The following HDLBP variants were observed in gnomAD, a reference collection of about 807,000 sequenced individuals.
HDLBP encodes vigilin.
In HDLBP, 30 loss-of-function variants were observed where a neutral mutation model predicts 137.3. The ratio of observed to expected loss-of-function variants is 0.22; its 90% CI spans 0.16 to 0.30. The LOEUF (loss-of-function observed/expected upper bound fraction) is 0.30, where lower values mean the gene tolerates loss of function less well. Ranked by LOEUF, HDLBP falls within the 10% of genes least tolerant of loss-of-function variation. The pLI is 1.00. For missense variants in HDLBP, 1,119 were observed against 1,667.3 expected, an observed-to-expected ratio of 0.67 and a Z score of 5.73; for synonymous variants, 606 against 596.0, an observed-to-expected ratio of 1.02 and a Z score of -0.24.
chr2:241,307,164 C>A (rs992663989), intron 1 of HDLBP, among the ~76,000 whole-genome samples: 1 of 152,148 alleles, frequency 6.6e-6, no homozygotes, highest in African/African-American at 2.4e-5. Flanking sequence ...CAATATCCTG[C>A]CTTCTGTACC....
chr2:241,313,558 C>T (rs2075826970), intron 1 of HDLBP, among the ~76,000 whole-genome samples: 1 of 152,194 alleles, frequency 6.6e-6, no homozygotes, highest in South Asian at 2.1e-4. Flanking sequence ...GGATTACAAG[C>T]GTGAGCCACT....
At chr2:241,260,452 T>C (rs1246257613) in intron 5 of HDLBP, among the ~76,000 whole-genome samples, 2 of 152,194 alleles carry the variant, frequency 1.3e-5, no homozygotes, top group East Asian at 3.8e-4. Context: ...AGAGAGTCAC[T>C]GATCAACACT....
At chr2:241,241,148 T>G (rs879773831) in intron 17 of HDLBP, among the ~76,000 whole-genome samples, 3 of 152,074 alleles carry the variant, frequency 2.0e-5, no homozygotes, top group Non-Finnish European at 4.4e-5. Context: ...CAAGGCTGGT[T>G]AAACACAAAG....
At chr2:241,304,634 C>T (rs902716318) in intron 1 of HDLBP, among the ~76,000 whole-genome samples, 4 of 152,204 alleles carry the variant, frequency 2.6e-5, no homozygotes, top group African/African-American at 9.7e-5. Context: ...CCAATTGAAT[C>T]AATGAAAGAT....
Position 241,272,013 on chromosome 2 carries a change from G to T in HDLBP, c.-102-3472C>A, listed in dbSNP as rs746704854. Reference sequence around the variant, plus strand: ...ACAGGCCACGAGGGCCCGCGGGCGGGGACAGGCTTAAAGGGACAGCAACCC... The same window carrying T: ...ACAGGCCACGAGGGCCCGCGGGCGGTGACAGGCTTAAAGGGACAGCAACCC... On this transcript the variant is annotated intron_variant, in intron 1 of 27. Coordinates refer to ENST00000310931, the MANE Select transcript of HDLBP (RefSeq NM_005336.6). This position sits in a 1 kb window ranked among gnomAD's most constrained non-coding sequence, Gnocchi z 5.6. The T allele has an allele frequency of 2.8e-4, 54 of 196,242 alleles. No individual in the cohort carries two copies. The highest frequency in any genetic ancestry group is 4.1e-4 in the Non-Finnish European group (45 of 108,464). The allele number at this position is 196,242 out of a possible 1,614,324, so 12.2% of individuals were successfully genotyped here. A position where few individuals can be genotyped will look rare whatever the true frequency, so the allele number is the denominator to read the frequency against.
At chr2:241,299,637 G>A (rs540252240) in intron 1 of HDLBP, among the ~76,000 whole-genome samples, 7 of 147,344 alleles carry the variant, frequency 4.8e-5, no homozygotes, top group East Asian at 2.1e-4. Context: ...AATTTTGGGC[G>A]GGGCGCGGTG....
At chr2:241,309,606 G>T (rs977873753) in intron 1 of HDLBP, among the ~76,000 whole-genome samples, 1 of 152,152 alleles carries the variant, frequency 6.6e-6, no homozygotes, top group Non-Finnish European at 1.5e-5. Context: ...TGGCTGATAG[G>T]TTTAAAAGGC....
At position 241,240,390 on chromosome 2, in the gene HDLBP, C is replaced by A. The variant is rs530749470; in HGVS notation, c.2170-268G>T. On this transcript the variant is annotated intron_variant, in intron 17 of 27. Coordinates refer to ENST00000310931, the MANE Select transcript of HDLBP (RefSeq NM_005336.6). This position sits in a 1 kb window ranked among gnomAD's most constrained non-coding sequence, Gnocchi z 5.5. ...CTTAGAACCCTGGTCCTGCCACTTA[C>A]AAGCACTGACCAAACTTCTCCAAGC... Among the ~76,000 whole-genome samples, 4 of 152,234 alleles carry A rather than the reference C, an allele frequency of 2.6e-5. No homozygotes were observed. The highest frequency in any genetic ancestry group is 3.8e-4 in the East Asian group (2 of 5,198).
chr2:241,237,949 G>A (rs949835110), intron 20 of HDLBP, among the ~76,000 whole-genome samples: 1 of 152,230 alleles, frequency 6.6e-6, no homozygotes, highest in Non-Finnish European at 1.5e-5. Flanking sequence ...CTTCCTGGAT[G>A]CCCAGAGAGA....
intron 3 of HDLBP, 51 bp downstream of exon 3, chr2:241,266,743 G>T: frequency 8.5e-7 from 1 of 1,177,058 alleles, no homozygotes; most frequent in South Asian, 1.2e-5. Flanking sequence ...AGGCTTTAGA[G>T]GGAGCAATGC....
Position 241,233,388 on chromosome 2 carries a change from G to C in HDLBP, c.3288+432C>G, listed in dbSNP as rs981983291. Among the ~76,000 whole-genome samples, 4 of 152,142 alleles carry C rather than the reference G, an allele frequency of 2.6e-5. No individual in the cohort carries two copies. Among genetic ancestry groups the C allele is most frequent in the Non-Finnish European group, 5.9e-5 (4 of 68,014 alleles). On this transcript the variant is annotated intron_variant, in intron 24 of 27. Coordinates refer to ENST00000310931, the MANE Select transcript of HDLBP (RefSeq NM_005336.6). The surrounding 1 kb of genome is among the most constrained non-coding windows in gnomAD (Gnocchi z 4.3). ...GGAAGTAACAACAAGAGTTTACTAA[G>C]GACCATCTGGCAAGCACAACGGTGT...
intron 1 of HDLBP, among the ~76,000 whole-genome samples, chr2:241,312,594 A>G (rs80239448): frequency 1.3e-5 from 2 of 152,228 alleles, no homozygotes; most frequent in African/African-American, 4.8e-5. Flanking sequence ...TTGTGTCATC[A>G]TAACTTGGCA....
chr2:241,308,860 G>A (rs1479737376), intron 1 of HDLBP, among the ~76,000 whole-genome samples: 2 of 152,110 alleles, frequency 1.3e-5, no homozygotes, highest in Non-Finnish European at 2.9e-5. Context: ...CCAGTACTGG[G>A]TCACTCTGCT....
chr2:241,282,476 G>A (rs377177050), intron 1 of HDLBP, among the ~76,000 whole-genome samples: 5 of 152,186 alleles, frequency 3.3e-5, no homozygotes, highest in African/African-American at 1.2e-4. Flanking sequence ...CTACTTCTAA[G>A]AATTTCTCAC....
chr2:241,251,545 C>T (rs1212540223), intron 11 of HDLBP, among the ~76,000 whole-genome samples: 1 of 152,232 alleles, frequency 6.6e-6, no homozygotes, highest in Non-Finnish European at 1.5e-5. Context: ...CTCCTTCATC[C>T]ACTGAACTAT....
In HDLBP at chr2:241,242,496, C is replaced by T. The variant is rs760907330; in HGVS notation, c.2133G>A (p.Lys711=). The T allele has an allele frequency of 6.2e-7, 1 of 1,614,192 alleles. No individual in the cohort carries two copies. Among genetic ancestry groups the T allele is most frequent in the African/African-American group, 1.3e-5 (1 of 75,054 alleles). The change falls in exon 17 of 28, where the codon AAG becomes AAA. Residue 711 remains lysine (K), a synonymous_variant. Transcript: ENST00000310931. ...CCAGATGCAGGAGCTGCTTCTTGGC[C>T]TTCTCCACATCCGAGGAAGGGCCCC... ...VIRGPSSDVE[K]AKKQLLHLAE... is the part of the protein sequence containing the mutation.
intron 2 of HDLBP, 51 bp downstream of exon 2, chr2:241,268,426 G>A: frequency 1.0e-6 from 1 of 983,252 alleles, no homozygotes; most frequent in Non-Finnish European, 1.2e-6. Context: ...TGCGCCCCCA[G>A]GTCCACACAC....
In HDLBP at chr2:241,235,483, G is replaced by A. The variant is rs1462723321; in HGVS notation, c.3009+7C>T. ...CTGTGACATGGCCTCCCGGGAAAGG[G>A]GTCTACCTCAAACTCATCCATCATC... On this transcript the variant is annotated splice_region_variant and intron_variant, in intron 22 of 27. Coordinates refer to ENST00000310931, the MANE Select transcript of HDLBP (RefSeq NM_005336.6). 3.7e-6 allele frequency: 6 copies of A among 1,607,000 alleles called. No individual in the cohort carries two copies. Among genetic ancestry groups the A allele is most frequent in the South Asian group, 1.1e-5 (1 of 90,924 alleles).
intron 1 of HDLBP, among the ~76,000 whole-genome samples, chr2:241,270,195 A>G (rs1281463994): frequency 6.6e-6 from 1 of 152,210 alleles, no homozygotes; most frequent in African/African-American, 2.4e-5. Flanking sequence ...CTATACTGAA[A>G]GGAGTCTCAA....
Sources: allele counts gnomAD v4.1 joint callset (sites outside exome capture counted in the v4.1 genomes callset), GRCh38; gene constraint gnomAD v4.1.1; non-coding constraint Gnocchi (gnomAD v3.1); transcripts MANE v1.5; gene names NCBI Gene and HGNC (gene_info 2026-07-23, HGNC 2026-07-21).